The following CCNH variants were observed in gnomAD, a reference collection of about 807,000 sequenced individuals.
The protein encoded by CCNH is cyclin-H.
CCNH carries 31 observed loss-of-function variants against 41.9 expected under a neutral mutation model. The ratio of observed to expected loss-of-function variants is 0.74; its 90% confidence interval spans 0.56 to 1.00. The LOEUF is 1.00. CCNH is among the 50% of genes least tolerant of loss of function. The pLI is 0.00. For synonymous variants in CCNH, 138 were observed against 136.1 expected, an observed-to-expected ratio of 1.01 and a Z score of -0.10; for missense variants, 362 against 388.4, an observed-to-expected ratio of 0.93 and a Z score of 0.57.
At chr5:87,411,059 C>T (rs1416925465) in intron 2 of CCNH, among the ~76,000 whole-genome samples, 165 bp downstream of exon 2, 1 of 152,138 alleles carries the variant, frequency 6.6e-6, no homozygotes, top group Non-Finnish European at 1.5e-5. Context: ...TATGATACAG[C>T]AACTCATGAT....
intron 9 of CCNH, among the ~76,000 whole-genome samples, chr5:87,337,649 C>T (rs961315676): frequency 6.6e-6 from 1 of 151,896 alleles, no homozygotes; most frequent in African/African-American, 2.4e-5. Flanking sequence ...TAGTTACACC[C>T]CAAAACCTTC....
At position 87,385,460 on chromosome 5, in the gene CCNH, G is replaced by A. The variant is rs1580407993; in HGVS notation, c.*90+7310C>T. On this transcript the variant is annotated intron_variant and NMD_transcript_variant, in intron 9 of 9. Coordinates refer to the CCNH transcript ENST00000645953. ...TTGACATGATAAAACCATAAATTGT[G>A]GCTTAAGTAAATTTTTAGCAGTGAA... is the stretch of plus-strand genomic sequence containing the variant. 4 of 1,199,676 alleles carry A rather than the reference G, an allele frequency of 3.3e-6. No homozygotes were observed. In the Middle Eastern group the frequency reaches 5.8e-4, roughly 174 times the overall value. 74.3% of individuals were successfully genotyped at this position (1,199,676 alleles called of 1,614,324 possible). A position where few individuals can be genotyped will look rare whatever the true frequency, so the allele number is the denominator to read the frequency against.
chr5:87,393,074 G>GA (rs138557953), downstream of CCNH, among the ~76,000 whole-genome samples: 1,253 of 133,654 alleles, frequency 9.4e-3, 6 homozygotes, highest in Middle Eastern at 0.043. Flanking sequence ...TCTGGAATGA[G>GA]AAAAAAAAAA....
At chr5:87,375,313 T>TG (rs1014989865), downstream of CCNH, among the ~76,000 whole-genome samples, 9 of 152,022 alleles carry the variant, frequency 5.9e-5, no homozygotes, top group African/African-American at 2.2e-4. Flanking sequence ...CAGGCTGCAG[T>TG]GCAGTGGTGT....
intron 4 of CCNH, among the ~76,000 whole-genome samples, chr5:87,406,493 A>T (rs1399850744): frequency 6.6e-6 from 1 of 152,168 alleles, no homozygotes; most frequent in East Asian, 1.9e-4. Flanking sequence ...AGCATCACAA[A>T]TCCAAAAAAT....
chr5:87,367,360 G>C lies in CCNH; in HGVS notation c.*90+25410C>G, dbSNP rs547480755. ...TAATGCCAGGCATTGAACATTTCCT[G>C]CTTTGTGTACACATAGAACCTGATA... On this transcript the variant is annotated intron_variant and NMD_transcript_variant, in intron 9 of 9. Transcript: ENST00000645953. Among the ~76,000 whole-genome samples the C allele has an allele frequency of 2.3e-4, 35 of 152,268 alleles. 1 individual carries two copies. In the South Asian group the frequency reaches 5.2e-3, roughly 23 times the overall value.
intron 5 of CCNH, among the ~76,000 whole-genome samples, chr5:87,404,063 C>G (rs1242187733): frequency 6.6e-6 from 1 of 152,102 alleles, no homozygotes; most frequent in Non-Finnish European, 1.5e-5. Flanking sequence ...AAATATAAAC[C>G]TACAATCCCT....
chr5:87,399,062 T>A (rs921470994), intron 7 of CCNH, among the ~76,000 whole-genome samples: 1 of 151,194 alleles, frequency 6.6e-6, no homozygotes, highest in Non-Finnish European at 1.5e-5. Context: ...AGACCAGATA[T>A]CACAACTTCA....
downstream of CCNH, chr5:87,374,457 ATATTT>A: frequency 2.5e-5 from 6 of 243,968 alleles, no homozygotes; most frequent in South Asian, 1.5e-4. Context: ...ATATATATAT[ATATTT>A]TTTTTTTTTT....
chr5:87,387,022 C>G (rs1488732368), downstream of CCNH: 5 of 976,308 alleles, frequency 5.1e-6, no homozygotes, highest in African/African-American at 8.3e-5. Flanking sequence ...GACAAAAAGC[C>G]TGCAAATTTT....
chr5:87,389,762 G>C (rs571589648), downstream of CCNH, among the ~76,000 whole-genome samples: 10 of 152,180 alleles, frequency 6.6e-5, no homozygotes, highest in Non-Finnish European at 1.5e-4. Context: ...TAATTCTACT[G>C]GAAAACAGTG....
chr5:87,311,843 A>G, the CCNH span, among the ~76,000 whole-genome samples: 1 of 152,212 alleles, frequency 6.6e-6, no homozygotes, highest in African/African-American at 2.4e-5. Context: ...CATAATCTGT[A>G]TGGTGTGGCT....
downstream of CCNH, among the ~76,000 whole-genome samples, chr5:87,375,617 C>T (rs756594469): frequency 6.6e-6 from 1 of 152,110 alleles, no homozygotes; most frequent in Non-Finnish European, 1.5e-5. Flanking sequence ...AAAAATTTCC[C>T]TTAAACTTGA....
exon 1 of CCNH, chr5:87,376,661 G>C: frequency 7.0e-7 from 1 of 1,433,770 alleles, no homozygotes; most frequent in South Asian, 1.2e-5. Flanking sequence ...GTAATTCATA[G>C]CTTAGTAGCA....
intron 9 of CCNH, chr5:87,346,825 T>C: frequency 8.4e-6 from 7 of 832,120 alleles, no homozygotes; most frequent in Non-Finnish European, 1.4e-5. Context: ...TCAGTTAGTG[T>C]TTATGCATGT....
intron 6 of CCNH, among the ~76,000 whole-genome samples, chr5:87,401,410 G>A (rs1295485060): frequency 1.3e-5 from 2 of 152,094 alleles, no homozygotes; most frequent in East Asian, 3.8e-4. Context: ...TCAGTGCCTA[G>A]TATGTTTCTT....
At chr5:87,347,132 C>G (rs930174715) in intron 9 of CCNH, among the ~76,000 whole-genome samples, 2 of 151,976 alleles carry the variant, frequency 1.3e-5, no homozygotes, top group African/African-American at 4.8e-5. Flanking sequence ...TCATTACTCT[C>G]TTTTATGGAT....
At chr5:87,334,714 C>T (rs1013861461) in intron 9 of CCNH, among the ~76,000 whole-genome samples, 7 of 152,152 alleles carry the variant, frequency 4.6e-5, no homozygotes, top group African/African-American at 1.7e-4. Context: ...AAGACAGTTT[C>T]ATTGAAGAGT....
At chr5:87,361,901 A>G (rs1760126551) in intron 9 of CCNH, among the ~76,000 whole-genome samples, 1 of 152,162 alleles carries the variant, frequency 6.6e-6, no homozygotes, top group African/African-American at 2.4e-5. Context: ...TACCTTGAAA[A>G]AAGAGGTACA....
Sources: allele counts gnomAD v4.1 joint callset (sites outside exome capture counted in the v4.1 genomes callset), GRCh38; gene constraint gnomAD v4.1.1; transcripts MANE v1.5; gene names NCBI Gene and HGNC (gene_info 2026-07-23, HGNC 2026-07-21).